PDE7B: variants seen among roughly 807,000 people sequenced by gnomAD.
PDE7B encodes 3',5'-cyclic-AMP phosphodiesterase 7B.
In PDE7B, 29 loss-of-function variants were observed where a neutral mutation model predicts 56.2. The ratio of observed to expected loss-of-function variants is 0.52; its 90% CI spans 0.38 to 0.70. PDE7B has a LOEUF of 0.70. Among genes scored for constraint, PDE7B ranks in the 30% least tolerant of loss-of-function variants. The pLI, the probability that PDE7B is intolerant of heterozygous loss-of-function variation, is 0.00. For synonymous variants in PDE7B, 197 were observed against 196.9 expected, an observed-to-expected ratio of 1.00 and a Z score of 0.00; for missense variants, 490 against 565.0, an observed-to-expected ratio of 0.87 and a Z score of 1.35.
At chr6:136,189,810 C>T (rs192174007) in intron 12 of PDE7B, among the ~76,000 whole-genome samples, 6 of 149,778 alleles carry the variant, frequency 4.0e-5, no homozygotes, top group Non-Finnish European at 8.9e-5. Flanking sequence ...GTTGGCAGAA[C>T]ACACTGATGG....
At chr6:136,158,888 T>G (rs1449365146) in intron 8 of PDE7B, among the ~76,000 whole-genome samples, 4 of 152,200 alleles carry the variant, frequency 2.6e-5, no homozygotes, top group African/African-American at 9.7e-5. Context: ...GCTTAGCAAC[T>G]GTGCAAAGTA....
At chr6:136,152,551 G>A (rs185471121) in intron 6 of PDE7B, among the ~76,000 whole-genome samples, 2 of 152,294 alleles carry the variant, frequency 1.3e-5, no homozygotes, top group East Asian at 3.9e-4. Flanking sequence ...CTGTCGACTT[G>A]GGAGTCCACC....
At chr6:135,971,574 T>C (rs1775094815) in intron 2 of PDE7B, among the ~76,000 whole-genome samples, 1 of 152,126 alleles carries the variant, frequency 6.6e-6, no homozygotes, top group East Asian at 1.9e-4. Flanking sequence ...TGGTGTAGAA[T>C]AAAAATTTTA....
At chr6:136,091,263 T>A (rs371180238) in intron 2 of PDE7B, among the ~76,000 whole-genome samples, 1 of 152,222 alleles carries the variant, frequency 6.6e-6, no homozygotes, top group Non-Finnish European at 1.5e-5. Context: ...CAGATGGTTA[T>A]GAAGGAGAGT....
intron 1 of PDE7B, among the ~76,000 whole-genome samples, chr6:135,888,725 T>C (rs953646865): frequency 1.3e-5 from 2 of 151,928 alleles, no homozygotes; most frequent in Non-Finnish European, 2.9e-5. Flanking sequence ...TTCTGGACTA[T>C]TTAGAAATAT....
chr6:136,086,897 C>T (rs780465500), intron 2 of PDE7B, among the ~76,000 whole-genome samples: 1 of 152,192 alleles, frequency 6.6e-6, no homozygotes, highest in Non-Finnish European at 1.5e-5. Flanking sequence ...AGCTGTTATT[C>T]CCATTGGCAC....
intron 1 of PDE7B, among the ~76,000 whole-genome samples, chr6:135,867,251 A>G (rs1775278683): frequency 6.6e-6 from 1 of 152,180 alleles, no homozygotes. Context: ...AAAAAGATAC[A>G]TATTTCTAGT....
intron 2 of PDE7B, chr6:136,044,012 C>T (rs529488974): frequency 1.3e-5 from 2 of 152,236 alleles, no homozygotes; most frequent in Non-Finnish European, 2.9e-5. Context: ...ACAAGACAAA[C>T]CTCCCACAGC....
intron 2 of PDE7B, chr6:136,094,579 A>G (rs1271462831): frequency 3.9e-5 from 6 of 152,374 alleles, no homozygotes; most frequent in African/African-American, 1.4e-4. Context: ...CCACCCCTGC[A>G]CAGTGGAGTC....
chr6:135,906,810 G>GTTTTTTTTTT lies in PDE7B; in HGVS notation c.22-40637_22-40628dup, dbSNP rs869049424. 3.9e-4 allele frequency among the ~76,000 whole-genome samples: 23 copies of GTTTTTTTTTT among 59,542 alleles called. 5 individuals carry two copies. In the East Asian group the frequency reaches 4.8e-3, roughly 13 times the overall value. The allele number at this position is 59,542 out of a possible 152,430, so 39.1% of individuals were successfully genotyped here. On this transcript the variant is annotated intron_variant, in intron 1 of 12. Transcript: ENST00000308191. ...TTTGACTCAAATGTTAATGAGGTTT[G>GTTTTTTTTTT]TTTTTTTTTTTTTTTTTTTTTTTTT...
intron 2 of PDE7B, among the ~76,000 whole-genome samples, chr6:135,962,371 G>A (rs1774917411): frequency 6.6e-6 from 1 of 151,980 alleles, no homozygotes; most frequent in South Asian, 2.1e-4. Context: ...AGGTGGGGAG[G>A]GTCACCTTTA....
chr6:136,113,922 G>A (rs527661198), intron 3 of PDE7B, among the ~76,000 whole-genome samples: 24 of 152,278 alleles, frequency 1.6e-4, no homozygotes, highest in South Asian at 4.2e-4. Context: ...CCATCTCAGA[G>A]CAACACAAAG....
At chr6:135,904,090 G>A (rs1340249842) in intron 1 of PDE7B, among the ~76,000 whole-genome samples, 2 of 152,218 alleles carry the variant, frequency 1.3e-5, no homozygotes, top group Admixed American at 6.5e-5. Context: ...CACATCAAAT[G>A]TCTTATTTAT....
chr6:136,042,829 C>T (rs1404532238), intron 2 of PDE7B, among the ~76,000 whole-genome samples: 1 of 152,192 alleles, frequency 6.6e-6, no homozygotes, highest in African/African-American at 2.4e-5. Context: ...TTATGGGATG[C>T]TTAGTGTATA....
chr6:136,185,476 C>G (rs1779128863), intron 11 of PDE7B, among the ~76,000 whole-genome samples: 1 of 151,988 alleles, frequency 6.6e-6, no homozygotes, highest in Admixed American at 6.6e-5. Context: ...TAACATATGC[C>G]TGGGAGGAGG....
At chr6:135,964,436 A>G (rs1050442496) in intron 2 of PDE7B, among the ~76,000 whole-genome samples, 1 of 152,076 alleles carries the variant, frequency 6.6e-6, no homozygotes, top group African/African-American at 2.4e-5. Context: ...AAATCATCAT[A>G]CTGGAGGGAA....
intron 2 of PDE7B, among the ~76,000 whole-genome samples, chr6:136,065,850 T>C (rs916592265): frequency 4.6e-5 from 7 of 152,216 alleles, no homozygotes; most frequent in Non-Finnish European, 1.5e-5. Flanking sequence ...ACAGTTAATA[T>C]TTCAGATTTT....
rs1274046371 is a variant in PDE7B at position 136,192,212 on chromosome 6, G to C, written c.*372G>C. 1.2e-5 allele frequency: 3 copies of C among 241,862 alleles called. No individual in the cohort carries two copies. Among genetic ancestry groups the C allele is most frequent in the Non-Finnish European group, 2.5e-5 (3 of 122,036 alleles). The allele number at this position is 241,862 out of a possible 1,614,324, so 15.0% of individuals were successfully genotyped here. ...CTAAGTCCGGAGCGTTTGAGCGTTT[G>C]CTATCTGACTGCTGATCTGCGTGAC... On this transcript the variant is annotated 3_prime_UTR_variant, in exon 13 of 13. Transcript: ENST00000308191.
intron 2 of PDE7B, among the ~76,000 whole-genome samples, chr6:136,038,745 C>T (rs1776369117): frequency 6.6e-6 from 1 of 152,134 alleles, no homozygotes; most frequent in Admixed American, 6.5e-5. Flanking sequence ...AAACCTGGGT[C>T]CTGGACTCAG....
Sources: gnomAD v4.1 joint callset for allele counts (sites outside exome capture counted in the v4.1 genomes callset) on GRCh38, gnomAD v4.1.1 for gene constraint, MANE v1.5 for transcripts, NCBI Gene and HGNC (gene_info 2026-07-23, HGNC 2026-07-21) for gene names.